The following AK3 variants were observed in gnomAD, a reference collection of about 807,000 sequenced individuals.
AK3 encodes adenylate kinase 3, also known as GTP:AMP phosphotransferase AK3, mitochondrial.
In AK3, 27 loss-of-function variants were observed where a neutral mutation model predicts 23.7. The observed-to-expected ratio is 1.14, with a 90% confidence interval of 0.84 to 1.57. The LOEUF (loss-of-function observed/expected upper bound fraction) is 1.57, where lower values mean the gene tolerates loss of function less well. AK3 is among the 40% of genes most tolerant of loss of function. The pLI is 0.00. For synonymous variants in AK3, 159 were observed against 116.0 expected (o/e 1.37, Z -2.38); for missense variants, 406 against 285.6 (o/e 1.42, Z -3.04).
chr9:4,718,275 C>G, intron 4 of AK3, 144 bp downstream of exon 4: 1 of 650,922 alleles, frequency 1.5e-6, no homozygotes, highest in Non-Finnish European at 2.7e-6. Flanking sequence ...TTCTGTTACA[C>G]AAGCTAATGT....
rs1053962525 is a variant in AK3 at position 4,709,827 on chromosome 9, A to G, written c.*3149T>C. ...GGCCTGAGGATTTATTTTTATTTTTATTTTTATTTTTTGGTCAATGAGAAG... is the reference window on the plus strand; with the variant it reads ...GGCCTGAGGATTTATTTTTATTTTTGTTTTTATTTTTTGGTCAATGAGAAG... On this transcript the variant is annotated 3_prime_UTR_variant, in exon 5 of 5. Coordinates refer to ENST00000381809, the MANE Select transcript of AK3 (RefSeq NM_016282.4). 5.9e-5 allele frequency: 9 copies of G among 151,878 alleles called. No homozygotes were observed. Among genetic ancestry groups the G allele is most frequent in the African/African-American group, 2.2e-4 (9 of 41,238 alleles). The allele number at this position is 151,878 out of a possible 1,614,324, so 9.4% of individuals were successfully genotyped here. A position where few individuals can be genotyped will look rare whatever the true frequency, so the allele number is the denominator to read the frequency against.
intron 1 of AK3, among the ~76,000 whole-genome samples, chr9:4,734,517 G>A (rs543937335): frequency 7.2e-5 from 11 of 152,200 alleles, no homozygotes; most frequent in Admixed American, 2.0e-4. Flanking sequence ...TAGATGGACA[G>A]ATGGATGAAG....
Position 4,722,488 on chromosome 9 carries a change from T to A in AK3, c.271+18A>T, listed in dbSNP as rs1422159081. 1 of 1,614,032 alleles carries A rather than the reference T, an allele frequency of 6.2e-7. No individual in the cohort carries two copies. The highest frequency in any genetic ancestry group is 1.1e-5 in the South Asian group (1 of 91,080). ...TGATTATTTTGGGCAGGTGAAATGC[T>A]CATGAGACTCCACTTACCATCCAAC... On this transcript the variant is annotated intron_variant, in intron 2 of 4. Coordinates refer to ENST00000381809, the MANE Select transcript of AK3 (RefSeq NM_016282.4).
At chr9:4,739,277 G>T (rs1010301718) in intron 1 of AK3, among the ~76,000 whole-genome samples, 1 of 151,314 alleles carries the variant, frequency 6.6e-6, no homozygotes, top group Non-Finnish European at 1.5e-5. Context: ...AGCAACCTCC[G>T]CCTCCCAGGT....
At chr9:4,722,993 C>A (rs1841940281) in intron 1 of AK3, among the ~76,000 whole-genome samples, 2 of 152,174 alleles carry the variant, frequency 1.3e-5, no homozygotes, top group Admixed American at 1.3e-4. Context: ...ATCGCTTGAA[C>A]CCAGGAGGCA....
At chr9:4,718,638 C>G in intron 3 of AK3, 101 bp from the exon 4 acceptor site, 2 of 888,160 alleles carry the variant, frequency 2.3e-6, no homozygotes, top group Non-Finnish European at 3.5e-6. Context: ...TGTGCAAGTG[C>G]CAAGCACAAA....
Position 4,735,774 on chromosome 9 carries a change from A to C in AK3, c.151+5163T>G, listed in dbSNP as rs542010914. On this transcript the variant is annotated intron_variant, in intron 1 of 4. Transcript: ENST00000381809. Reference sequence around the variant, plus strand: ...GTGAGCCACCATGCCTGGCCAAAAAAATATTTTAAAAAGAAAAAAATTTTA... The same window carrying C: ...GTGAGCCACCATGCCTGGCCAAAAACATATTTTAAAAAGAAAAAAATTTTA... Among the ~76,000 whole-genome samples the C allele has an allele frequency of 3.5e-5, 3 of 84,804 alleles. No individual in the cohort carries two copies. The East Asian group carries it at 9.3e-4, about 26-fold the overall frequency. 55.6% of individuals were successfully genotyped at this position (84,804 alleles called of 152,430 possible).
intron 1 of AK3, among the ~76,000 whole-genome samples, chr9:4,738,892 C>T (rs1280341219): frequency 1.3e-5 from 2 of 151,678 alleles, no homozygotes; most frequent in African/African-American, 2.4e-5. Context: ...CCACCTCAGC[C>T]TCCAGAGAAG....
At chr9:4,729,013 A>ATTTTTTT (rs754323325) in intron 1 of AK3, among the ~76,000 whole-genome samples, 2 of 109,806 alleles carry the variant, frequency 1.8e-5, no homozygotes, top group East Asian at 3.1e-4. Flanking sequence ...ATATATATAT[A>ATTTTTTT]TATTTTTTTT....
chr9:4,733,078 G>A (rs1332238868), intron 1 of AK3, among the ~76,000 whole-genome samples: 1 of 151,740 alleles, frequency 6.6e-6, no homozygotes, highest in African/African-American at 2.4e-5. Flanking sequence ...CAAACTCCTG[G>A]ACTCTACTGA....
At chr9:4,731,219 G>C (rs1159974389) in intron 1 of AK3, among the ~76,000 whole-genome samples, 1 of 152,118 alleles carries the variant, frequency 6.6e-6, no homozygotes, top group Non-Finnish European at 1.5e-5. Context: ...TCATCACCCA[G>C]GTATTAAGCT....
upstream of AK3, chr9:4,741,211 C>A: frequency 8.9e-7 from 1 of 1,127,166 alleles, no homozygotes; most frequent in South Asian, 2.3e-5. Context: ...CTGCGGTTCC[C>A]CGGCGTTCCC....
chr9:4,716,164 T>A (rs1841720943), intron 4 of AK3, among the ~76,000 whole-genome samples: 1 of 152,174 alleles, frequency 6.6e-6, no homozygotes, highest in Non-Finnish European at 1.5e-5. Context: ...TACCAATAAA[T>A]TCCCCTTTTG....
At chr9:4,738,675 G>A (rs1587663089) in intron 1 of AK3, among the ~76,000 whole-genome samples, 1 of 151,136 alleles carries the variant, frequency 6.6e-6, no homozygotes, top group East Asian at 1.9e-4. Flanking sequence ...GTGTGGCAAG[G>A]CAGAATTATG....
intron 1 of AK3, among the ~76,000 whole-genome samples, chr9:4,723,802 G>C (rs1841959113): frequency 6.6e-6 from 1 of 152,168 alleles, no homozygotes; most frequent in Admixed American, 6.6e-5. Flanking sequence ...AATTAGTCTT[G>C]ATTTTTCCTC....
At position 4,716,140 on chromosome 9, in the gene AK3, CT is replaced by C. The variant is rs900608249; in HGVS notation, c.563+2278del. On this transcript the variant is annotated intron_variant, in intron 4 of 4. Transcript: ENST00000381809. ...CCTGGACCCATCCATCTATCTTTGA[CT>C]TTTCAGTTACATTACCAATAAATTC... Among the ~76,000 whole-genome samples, 4 of 152,314 alleles carry C rather than the reference CT, an allele frequency of 2.6e-5. 1 individual carries two copies. Among genetic ancestry groups the C allele is most frequent in the African/African-American group, 9.6e-5 (4 of 41,564 alleles).
In AK3 at chr9:4,710,932, A is replaced by G. The variant is rs538139587; in HGVS notation, c.*2044T>C. On this transcript the variant is annotated 3_prime_UTR_variant, in exon 5 of 5. Coordinates refer to ENST00000381809, the MANE Select transcript of AK3 (RefSeq NM_016282.4). ...AAAAAAAAATAAAGAAAAAAGTTGT[A>G]TTACAGTCATATTCATTCCTAAAGT... The G allele has an allele frequency of 6.6e-6, 1 of 152,236 alleles. No homozygotes were observed. Among genetic ancestry groups the G allele is most frequent in the South Asian group, 2.1e-4 (1 of 4,824 alleles). 9.4% of individuals were successfully genotyped at this position (152,236 alleles called of 1,614,324 possible).
At chr9:4,728,640 G>C (rs1003696905) in intron 1 of AK3, among the ~76,000 whole-genome samples, 2 of 151,906 alleles carry the variant, frequency 1.3e-5, no homozygotes, top group Non-Finnish European at 2.9e-5. Context: ...TATATTGCTG[G>C]TAGCATTATA....
At chr9:4,740,453 G>C (rs1456228337) in intron 1 of AK3, among the ~76,000 whole-genome samples, 1 of 152,126 alleles carries the variant, frequency 6.6e-6, no homozygotes, top group Non-Finnish European at 1.5e-5. Flanking sequence ...GAATATGGGG[G>C]AAAGGTCAGA....
Sources: gnomAD v4.1 joint callset for allele counts (sites outside exome capture counted in the v4.1 genomes callset) on GRCh38, gnomAD v4.1.1 for gene constraint, MANE v1.5 for transcripts, NCBI Gene and HGNC (gene_info 2026-07-23, HGNC 2026-07-21) for gene names.